The following PLEKHG5 variants were observed in gnomAD, a reference collection of about 807,000 sequenced individuals.
The protein encoded by PLEKHG5 is pleckstrin homology and RhoGEF domain containing G5, also known as pleckstrin homology domain-containing family G member 5.
PLEKHG5 carries 52 observed loss-of-function variants against 103.8 expected under a neutral mutation model. That is an observed-to-expected ratio of 0.50 (90% CI 0.40 to 0.63). PLEKHG5 has a LOEUF of 0.63. PLEKHG5 is among the 30% of genes least tolerant of loss of function. The probability of loss-of-function intolerance (pLI) is 0.00; values close to 1 mark genes in which losing one functional copy is unlikely to be tolerated. For synonymous variants in PLEKHG5, 592 were observed against 575.5 expected, an observed-to-expected ratio of 1.03 and a Z score of -0.41; for missense variants, 1,205 against 1,347.6, an observed-to-expected ratio of 0.89 and a Z score of 1.66.
At chr1:6,504,340 G>A (rs1052982983) in intron 1 of PLEKHG5, among the ~76,000 whole-genome samples, 3 of 152,098 alleles carry the variant, frequency 2.0e-5, no homozygotes, top group Admixed American at 6.6e-5. Context: ...CACCAGCTGG[G>A]CAGCTGGGCC....
intron 1 of PLEKHG5, among the ~76,000 whole-genome samples, chr1:6,478,304 T>C (rs1206515194): frequency 6.6e-6 from 1 of 152,114 alleles, no homozygotes; most frequent in East Asian, 1.9e-4. Flanking sequence ...CCCGAGTAGC[T>C]TGGACTAGAA....
intron 1 of PLEKHG5, among the ~76,000 whole-genome samples, chr1:6,515,173 C>T (rs1037395650): frequency 1.3e-5 from 2 of 152,226 alleles, no homozygotes; most frequent in South Asian, 2.1e-4. Flanking sequence ...AGTAGGAACT[C>T]TGCTTCCAAC....
chr1:6,473,484 A>AC, intron 7 of PLEKHG5, 30 bp from the exon 8 acceptor site: 3 of 1,478,886 alleles, frequency 2.0e-6, no homozygotes, highest in South Asian at 2.7e-5. Context: ...CAGGGCCGGG[A>AC]CCCCCTGCCA....
At chr1:6,519,777 C>T (rs1390386335) in exon 1 of PLEKHG5, 11 of 579,910 alleles carry the variant, frequency 1.9e-5, no homozygotes, top group Non-Finnish European at 3.1e-5. Context: ...GCACAGACTT[C>T]GCAGCCGCCG....
chr1:6,471,539 C>G lies in PLEKHG5; in HGVS notation c.1230G>C (p.Arg410=). The G allele has an allele frequency of 6.2e-7, 1 of 1,609,196 alleles. No homozygotes were observed. The highest frequency in any genetic ancestry group is 8.5e-7 in the Non-Finnish European group (1 of 1,178,576). The part of the protein sequence containing the change: ...SVMAPVLEKA[R]RTRALLQPGD... ...CGGGCTGTAGCAGCGCTCGCGTGCG[C>G]CGCGCCTTCTCCAGCACCGGCGCCA... The change falls in exon 12 of 21, where the codon CGG becomes CGC. Residue 410 remains arginine (R), a synonymous_variant. Transcript: ENST00000377728.
At chr1:6,515,354 C>T (rs1163310308) in intron 1 of PLEKHG5, among the ~76,000 whole-genome samples, 15 of 151,998 alleles carry the variant, frequency 9.9e-5, no homozygotes, top group Admixed American at 5.2e-4. Context: ...GGTGAAACCC[C>T]GTCTCTACTA....
chr1:6,491,632 C>T lies in PLEKHG5; in HGVS notation c.-88+5G>A, dbSNP rs3007429. ...GAATAGGTGATTGCCTCTCCCATTA[C>T]TCACATCCTGCCCGTCCCTTCTCCA... On this transcript the variant is annotated splice_donor_5th_base_variant and intron_variant, in intron 1 of 20. Coordinates refer to ENST00000377728, the MANE Select transcript of PLEKHG5 (RefSeq NM_020631.6). The surrounding 1 kb of genome is among the most constrained non-coding windows in gnomAD (Gnocchi z 4.1). 0.097 allele frequency: 95,176 copies of T among 983,754 alleles called. 12,015 individuals are homozygous for T. Among genetic ancestry groups the T allele is most frequent in the African/African-American group, 0.55 (31,386 of 57,074 alleles). 60.9% of individuals were successfully genotyped at this position (983,754 alleles called of 1,614,324 possible).
chr1:6,496,844 G>C (rs1645232311), upstream of PLEKHG5: 1 of 629,110 alleles, frequency 1.6e-6, no homozygotes, highest in Non-Finnish European at 2.6e-6. Flanking sequence ...CTCTAGTCTG[G>C]GGGACAAGTG....
chr1:6,513,548 A>G (rs1435370435), intron 1 of PLEKHG5, among the ~76,000 whole-genome samples: 1 of 152,230 alleles, frequency 6.6e-6, no homozygotes, highest in Non-Finnish European at 1.5e-5. Flanking sequence ...CAGCACAGCT[A>G]CATTCCAGCC....
intron 1 of PLEKHG5, among the ~76,000 whole-genome samples, chr1:6,482,355 A>G (rs2148607858): frequency 6.6e-6 from 1 of 152,322 alleles, no homozygotes; most frequent in African/African-American, 2.4e-5. Context: ...TCATTTATGA[A>G]TTAAGGCAGG....
intron 2 of PLEKHG5, among the ~76,000 whole-genome samples, chr1:6,477,126 A>G (rs2148597288): frequency 6.6e-6 from 1 of 152,244 alleles, no homozygotes; most frequent in Middle Eastern, 3.4e-3. Context: ...TCCTGCTCCA[A>G]GTGCCTCCTG....
At position 6,467,555 on chromosome 1, in the gene PLEKHG5, C is replaced by T; in HGVS notation, c.*8G>A. ...TGGTCAATGGCACTCTTGGGGGCCTCCCTCTGCTCAGACCTCCCTACAGGG... is the reference window on the plus strand; with the variant it reads ...TGGTCAATGGCACTCTTGGGGGCCTTCCTCTGCTCAGACCTCCCTACAGGG... On this transcript the variant is annotated 3_prime_UTR_variant, in exon 21 of 21. Coordinates refer to ENST00000377728, the MANE Select transcript of PLEKHG5 (RefSeq NM_020631.6). 6.2e-7 allele frequency: 1 copy of T among 1,613,432 alleles called. No homozygotes were observed. The highest frequency in any genetic ancestry group is 1.1e-5 in the South Asian group (1 of 91,080).
intron 19 of PLEKHG5, 75 bp downstream of exon 19, chr1:6,468,967 G>C: frequency 8.2e-7 from 1 of 1,220,054 alleles, no homozygotes; most frequent in Non-Finnish European, 1.2e-6. Context: ...AAGGGAGCGT[G>C]GCTGGGCCTT....
chr1:6,489,054 C>T (rs1645094755), intron 1 of PLEKHG5, among the ~76,000 whole-genome samples: 1 of 152,170 alleles, frequency 6.6e-6, no homozygotes, highest in Non-Finnish European at 1.5e-5. Flanking sequence ...GGACGCAGGT[C>T]TGGGGCCAGC....
rs920155219 is a variant in PLEKHG5, at chr1:6,471,709, CCCTCCTT to C, written c.1131+42_1131+48del. On this transcript the variant is annotated intron_variant, in intron 11 of 20. Coordinates refer to ENST00000377728, the MANE Select transcript of PLEKHG5 (RefSeq NM_020631.6). ...AGCCCCGCCCCAGGTCCAGGTCCCG[CCCTCCTT>C]CCTGGTACCTCACCCGCCGCCGCCC... The C allele has an allele frequency of 2.5e-6, 4 of 1,587,964 alleles. No homozygotes were observed. The African/African-American group carries it at 5.4e-5, about 21-fold the overall frequency.
intron 1 of PLEKHG5, among the ~76,000 whole-genome samples, chr1:6,489,030 C>T (rs1053279569): frequency 1.5e-4 from 23 of 152,170 alleles, no homozygotes; most frequent in Admixed American, 3.3e-4. Context: ...AGAGGGACTT[C>T]CCTGTCCAGG....
Position 6,472,969 on chromosome 1 carries a change from C to T in PLEKHG5, c.984+17G>A, listed in dbSNP as rs1431453879. On this transcript the variant is annotated intron_variant, in intron 9 of 20. Transcript: ENST00000377728. ...CTTTCGGGACAAGGAGGGAGCAGCA[C>T]TGTGGCCCGCACTCACCTCATGCCC... 1.2e-6 allele frequency: 2 copies of T among 1,612,222 alleles called. No individual in the cohort carries two copies. Among genetic ancestry groups the T allele is most frequent in the Non-Finnish European group, 1.7e-6 (2 of 1,178,384 alleles).
At chr1:6,517,027 C>A (rs912047514) in intron 1 of PLEKHG5, among the ~76,000 whole-genome samples, 10 of 151,042 alleles carry the variant, frequency 6.6e-5, no homozygotes, top group African/African-American at 2.4e-4. Context: ...ACGGGTGGAT[C>A]ACTTGAGGTC....
upstream of PLEKHG5, among the ~76,000 whole-genome samples, chr1:6,494,430 C>CT (rs1189051754): frequency 3.3e-5 from 5 of 151,662 alleles, no homozygotes; most frequent in South Asian, 2.1e-4. Context: ...CACGCCAGGC[C>CT]TTTTTTTTAA....
Sources: gnomAD v4.1 joint callset for allele counts (sites outside exome capture counted in the v4.1 genomes callset) on GRCh38, gnomAD v4.1.1 for gene constraint, Gnocchi (gnomAD v3.1) non-coding constraint, MANE v1.5 for transcripts, NCBI Gene and HGNC (gene_info 2026-07-23, HGNC 2026-07-21) for gene names.